The following AFF3 variants were observed in gnomAD, a reference collection of about 807,000 sequenced individuals.
AFF3 encodes the protein AF4/FMR2 family member 3.
AFF3 carries 32 observed loss-of-function variants against 129.7 expected under a neutral mutation model. The ratio of observed to expected loss-of-function variants is 0.25; its 90% CI spans 0.19 to 0.33. AFF3 has a LOEUF of 0.33. Among genes scored for constraint, AFF3 ranks in the 10% least tolerant of loss-of-function variants. AFF3 has a pLI of 1.00. For missense variants in AFF3, 1,373 were observed against 1,592.0 expected (o/e 0.86, Z 2.34); for synonymous variants, 644 against 635.4 (o/e 1.01, Z -0.20).
intron 1 of AFF3, among the ~76,000 whole-genome samples, chr2:100,133,374 C>T (rs1692506211): frequency 6.6e-6 from 1 of 152,104 alleles, no homozygotes; most frequent in Non-Finnish European, 1.5e-5. Context: ...AAATGTATCT[C>T]CTAGTATGTA....
chr2:99,563,565 C>T (rs538905841), intron 20 of AFF3, among the ~76,000 whole-genome samples: 5 of 151,166 alleles, frequency 3.3e-5, no homozygotes, highest in Admixed American at 3.3e-4. Context: ...AATCTCAGCA[C>T]TTTGGGAGGC....
chr2:99,735,957 TTTCA>T (rs1462279973), intron 10 of AFF3, among the ~76,000 whole-genome samples: 1 of 152,206 alleles, frequency 6.6e-6, no homozygotes, highest in Non-Finnish European at 1.5e-5. Context: ...CTAGTCATAT[TTTCA>T]TTATCAATTT....
intron 15 of AFF3, among the ~76,000 whole-genome samples, chr2:99,590,938 A>G (rs1678606489): frequency 6.6e-6 from 1 of 151,184 alleles, no homozygotes; most frequent in South Asian, 2.1e-4. Context: ...GGTTGTGGTG[A>G]GCCAAGATGG....
intron 4 of AFF3, among the ~76,000 whole-genome samples, chr2:100,090,849 G>GT (rs1439621404): frequency 2.0e-5 from 3 of 151,844 alleles, no homozygotes; most frequent in Non-Finnish European, 4.4e-5. Flanking sequence ...GCTAATTTTT[G>GT]TATTTTTAAA....
intron 8 of AFF3, among the ~76,000 whole-genome samples, chr2:99,827,282 C>T (rs1240768178): frequency 6.6e-6 from 1 of 152,098 alleles, no homozygotes; most frequent in East Asian, 1.9e-4. Flanking sequence ...CCCTGAGGAA[C>T]ACCAACATCA....
intron 8 of AFF3, among the ~76,000 whole-genome samples, chr2:99,823,816 C>A (rs141598654): frequency 2.6e-5 from 4 of 152,282 alleles, no homozygotes; most frequent in Non-Finnish European, 5.9e-5. Flanking sequence ...GTGGATGGAG[C>A]TGGAGGCCAT....
In AFF3 at chr2:99,721,640, A is replaced by G. The variant is rs78882640; in HGVS notation, c.1091+5437T>C. Reference sequence around the variant, plus strand: ...CACTGTATTACATATTTGTGATGAGAATTCTTCAGTTAATTGTATCTGTGT... The same window carrying G: ...CACTGTATTACATATTTGTGATGAGGATTCTTCAGTTAATTGTATCTGTGT... On this transcript the variant is annotated intron_variant, in intron 11 of 24. Transcript: ENST00000672756. Among the ~76,000 whole-genome samples the G allele has an allele frequency of 1.4e-3, 208 of 152,244 alleles. 5 individuals carry two copies. In the East Asian group the frequency reaches 0.036, roughly 26 times the overall value.
chr2:99,929,557 A>G (rs1696522656), intron 7 of AFF3, among the ~76,000 whole-genome samples: 1 of 152,122 alleles, frequency 6.6e-6, no homozygotes, highest in African/African-American at 2.4e-5. Flanking sequence ...GTTTCTTGTT[A>G]CCCTGGACTT....
At chr2:99,947,886 G>A (rs1449547584) in intron 7 of AFF3, among the ~76,000 whole-genome samples, 1 of 152,104 alleles carries the variant, frequency 6.6e-6, no homozygotes, top group Non-Finnish European at 1.5e-5. Context: ...CTTTTTCTCA[G>A]CGCTGGAATA....
chr2:99,874,138 C>T (rs533419097), intron 7 of AFF3, among the ~76,000 whole-genome samples: 2 of 152,160 alleles, frequency 1.3e-5, no homozygotes, highest in East Asian at 1.9e-4. Flanking sequence ...GATCGCGCCA[C>T]TGCACTCCAG....
At position 99,560,409 on chromosome 2, in the gene AFF3, T is replaced by A; in HGVS notation, c.3147A>T (p.Ser1049=). ...TGTCTTCTGGTGTGGCATTGGGGCC[T>A]GAGTGGGTTTTTAGTCTCATAGCAT... ...IRYAMRLKTH[S]GPNATPEDKQ... The change falls in exon 21 of 25, where the codon TCA becomes TCT. Residue 1049 remains serine, a synonymous_variant. Transcript: ENST00000672756. 6.2e-7 allele frequency: 1 copy of A among 1,614,130 alleles called. No homozygotes were observed. Among genetic ancestry groups the A allele is most frequent in the South Asian group, 1.1e-5 (1 of 91,082 alleles).
At chr2:100,107,453 T>A (rs1438787116) in intron 2 of AFF3, 4 of 985,174 alleles carry the variant, frequency 4.1e-6, no homozygotes, top group East Asian at 1.1e-4. Context: ...AAAAGGGAAC[T>A]TTTTTATGTA....
At chr2:99,752,103 C>T (rs1681705694) in intron 9 of AFF3, 118 bp downstream of exon 9, 6 of 876,374 alleles carry the variant, frequency 6.8e-6, no homozygotes, top group Admixed American at 2.3e-5. Flanking sequence ...GGATCAGATT[C>T]ACGTGCCTCT....
intron 4 of AFF3, among the ~76,000 whole-genome samples, chr2:100,073,173 T>C (rs1688333120): frequency 6.6e-6 from 1 of 152,214 alleles, no homozygotes; most frequent in African/African-American, 2.4e-5. Context: ...TGCTTCAGAA[T>C]GTGACTTTAT....
intron 12 of AFF3, among the ~76,000 whole-genome samples, chr2:99,668,857 C>T (rs1043501877): frequency 1.2e-4 from 19 of 152,246 alleles, no homozygotes; most frequent in South Asian, 2.1e-4. Context: ...CCACTGTGGC[C>T]GACCTAACAT....
intron 7 of AFF3, among the ~76,000 whole-genome samples, chr2:99,858,492 A>T (rs12463699): frequency 6.6e-6 from 1 of 151,900 alleles, no homozygotes; most frequent in Admixed American, 6.6e-5. Context: ...TCGAGGCTGC[A>T]GTGAGCCACA....
chr2:99,975,286 G>C lies in AFF3; in HGVS notation c.873+31346C>G, dbSNP rs902931495. ...TTTTTAACCCTAATGAATTGGGGTA[G>C]AATTAGATATTTTGAATTATCATAC... On this transcript the variant is annotated intron_variant, in intron 7 of 24. Coordinates refer to ENST00000672756, the MANE Select transcript of AFF3 (RefSeq NM_001386135.1). 9.2e-5 allele frequency among the ~76,000 whole-genome samples: 14 copies of C among 152,278 alleles called. No individual in the cohort carries two copies. In the East Asian group the frequency reaches 2.7e-3, roughly 29 times the overall value.
intron 7 of AFF3, among the ~76,000 whole-genome samples, chr2:99,892,003 T>C (rs931261050): frequency 6.6e-6 from 1 of 152,130 alleles, no homozygotes; most frequent in African/African-American, 2.4e-5. Context: ...TTTGTATTTT[T>C]AGTAGAGACA....
Position 99,944,717 on chromosome 2 carries a change from G to T in AFF3, c.873+61915C>A, listed in dbSNP as rs571428377. Among the ~76,000 whole-genome samples, 38 of 152,288 alleles carry T rather than the reference G, an allele frequency of 2.5e-4. No homozygotes were observed. The East Asian group carries it at 6.0e-3, about 24-fold the overall frequency. ...CTTGGGGAAGGTACAAGAAGGATAA[G>T]ACAAGGCATTGGGTGACAGAGCTGC... On this transcript the variant is annotated intron_variant, in intron 7 of 24. Coordinates refer to ENST00000672756, the MANE Select transcript of AFF3 (RefSeq NM_001386135.1).
Sources: gnomAD v4.1 joint callset for allele counts (sites outside exome capture counted in the v4.1 genomes callset) on GRCh38, gnomAD v4.1.1 for gene constraint, MANE v1.5 for transcripts, NCBI Gene and HGNC (gene_info 2026-07-23, HGNC 2026-07-21) for gene names.